Variants in ADAMTSL1 observed in about 807,000 individuals in gnomAD.
The protein encoded by ADAMTSL1 is ADAMTS-like protein 1.
ADAMTSL1 carries 126 observed loss-of-function variants against 201.8 expected under a neutral mutation model. The observed-to-expected ratio is 0.62, with a 90% CI of 0.54 to 0.72. ADAMTSL1 has a LOEUF of 0.72. Among genes scored for constraint, ADAMTSL1 ranks in the 30% least tolerant of loss-of-function variants. The pLI is 0.00. For missense variants in ADAMTSL1, 2,679 were observed against 2,277.8 expected (o/e 1.18, Z -3.59); for synonymous variants, 1,121 against 903.4 (o/e 1.24, Z -4.32).
In ADAMTSL1 at chr9:18,508,440, C is replaced by A. The variant is rs151144129; in HGVS notation, c.191+3484C>A. On this transcript the variant is annotated intron_variant, in intron 2 of 28. Coordinates refer to ENST00000380548, the MANE Select transcript of ADAMTSL1 (RefSeq NM_001040272.6). ...TTTCATTTTAGATGATTTATAGTCT[C>A]CTCCATATATAGTTTGAATGCATCT... 6.5e-3 allele frequency among the ~76,000 whole-genome samples: 989 copies of A among 152,264 alleles called. 5 individuals are homozygous for A. Among genetic ancestry groups the A allele is most frequent in the African/African-American group, 0.018 (768 of 41,544 alleles).
chr9:18,834,395 T>C (rs1825185447), intron 23 of ADAMTSL1, among the ~76,000 whole-genome samples: 1 of 152,176 alleles, frequency 6.6e-6, no homozygotes, highest in Non-Finnish European at 1.5e-5. Context: ...TTTGTGGAGA[T>C]CTTTCACCTT....
intron 21 of ADAMTSL1, among the ~76,000 whole-genome samples, chr9:18,822,793 T>C (rs1248600281): frequency 2.0e-5 from 3 of 152,218 alleles, no homozygotes; most frequent in South Asian, 4.1e-4. Context: ...TTCAATGTTA[T>C]TTCTCCGTTT....
intron 26 of ADAMTSL1, among the ~76,000 whole-genome samples, chr9:18,898,327 G>T (rs1328164194): frequency 6.6e-6 from 1 of 152,214 alleles, no homozygotes; most frequent in African/African-American, 2.4e-5. Flanking sequence ...GGAGCACAAT[G>T]ACCTGATGGA....
At chr9:18,191,340 A>G (rs920207022) in intron 2 of ADAMTSL1, among the ~76,000 whole-genome samples, 4 of 152,004 alleles carry the variant, frequency 2.6e-5, no homozygotes, top group African/African-American at 9.7e-5. Context: ...GCCACCCTCA[A>G]CCCTTGAGAC....
At chr9:18,645,350 C>A (rs1827737799) in intron 7 of ADAMTSL1, among the ~76,000 whole-genome samples, 1 of 152,158 alleles carries the variant, frequency 6.6e-6, no homozygotes, top group African/African-American at 2.4e-5. Flanking sequence ...CCTGTTCACT[C>A]TGATGGTAGT....
chr9:18,186,498 T>C (rs1353782841), intron 2 of ADAMTSL1, among the ~76,000 whole-genome samples: 1 of 152,130 alleles, frequency 6.6e-6, no homozygotes, highest in Admixed American at 6.6e-5. Context: ...GTCACCTGCC[T>C]GAGACTTCAT....
intron 17 of ADAMTSL1, among the ~76,000 whole-genome samples, chr9:18,774,610 T>C (rs1820874393): frequency 6.6e-6 from 1 of 152,172 alleles, no homozygotes; most frequent in Non-Finnish European, 1.5e-5. Flanking sequence ...CCAAATTCTG[T>C]AATTACAATT....
intron 13 of ADAMTSL1, among the ~76,000 whole-genome samples, chr9:18,689,595 A>T (rs1158899863): frequency 6.6e-6 from 1 of 152,218 alleles, no homozygotes; most frequent in Non-Finnish European, 1.5e-5. Flanking sequence ...TCTCCAAAAC[A>T]AGGCATCCCA....
intron 2 of ADAMTSL1, among the ~76,000 whole-genome samples, chr9:18,301,010 A>G (rs1452596418): frequency 6.6e-6 from 1 of 152,214 alleles, no homozygotes; most frequent in East Asian, 1.9e-4. Flanking sequence ...GGGAGTGGAA[A>G]GTTAAGAAAA....
At chr9:18,193,331 T>G (rs1482245183) in intron 2 of ADAMTSL1, among the ~76,000 whole-genome samples, 1 of 152,086 alleles carries the variant, frequency 6.6e-6, no homozygotes, top group African/African-American at 2.4e-5. Context: ...GAAATTATGT[T>G]TATGGCAGCC....
At chr9:18,520,195 C>G (rs1053528465) in intron 2 of ADAMTSL1, among the ~76,000 whole-genome samples, 5 of 152,164 alleles carry the variant, frequency 3.3e-5, no homozygotes, top group African/African-American at 1.2e-4. Context: ...CTAACTGTTG[C>G]TCAAAAATCT....
At chr9:18,653,411 C>A (rs947365193) in intron 7 of ADAMTSL1, among the ~76,000 whole-genome samples, 3 of 152,098 alleles carry the variant, frequency 2.0e-5, no homozygotes, top group African/African-American at 7.2e-5. Flanking sequence ...AACATTATAC[C>A]TGTTGTTTCC....
At chr9:18,824,143 T>C (rs1824388522) in intron 21 of ADAMTSL1, among the ~76,000 whole-genome samples, 1 of 151,822 alleles carries the variant, frequency 6.6e-6, no homozygotes, top group South Asian at 2.1e-4. Flanking sequence ...GTGCATTTCT[T>C]CAATTTACTT....
chr9:18,368,443 A>G (rs138731344), intron 2 of ADAMTSL1, among the ~76,000 whole-genome samples: 252 of 152,324 alleles, frequency 1.7e-3, no homozygotes, highest in East Asian at 2.3e-3. Flanking sequence ...TACTTGTTGC[A>G]TAAGTACAGC....
chr9:18,053,887 GTTTTGTT>G (rs1441541690), intron 1 of ADAMTSL1, among the ~76,000 whole-genome samples: 5 of 152,178 alleles, frequency 3.3e-5, no homozygotes, highest in African/African-American at 1.2e-4. Context: ...TAAAGGTGTT[GTTTTGTT>G]TTTTCTTTTA....
intron 2 of ADAMTSL1, among the ~76,000 whole-genome samples, chr9:18,466,160 A>C (rs1315748395): frequency 2.0e-5 from 3 of 152,202 alleles, no homozygotes; most frequent in African/African-American, 7.2e-5. Context: ...CATAACTGCC[A>C]GTTTCTGTGC....
At chr9:18,342,886 A>G (rs1835527621) in intron 2 of ADAMTSL1, among the ~76,000 whole-genome samples, 2 of 152,176 alleles carry the variant, frequency 1.3e-5, no homozygotes. Flanking sequence ...CTCTCTGCCA[A>G]CAAACCCTAG....
chr9:18,113,988 C>G (rs1398513340), intron 1 of ADAMTSL1, among the ~76,000 whole-genome samples: 1 of 151,912 alleles, frequency 6.6e-6, no homozygotes, highest in Non-Finnish European at 1.5e-5. Context: ...AAATAAAACA[C>G]AAATGTCATA....
chr9:18,263,746 C>T (rs563525220), intron 2 of ADAMTSL1, among the ~76,000 whole-genome samples: 73 of 152,122 alleles, frequency 4.8e-4, no homozygotes, highest in African/African-American at 1.7e-3. Context: ...GATGAGTGTC[C>T]TTATAGAAAG....
Sources: gnomAD v4.1 joint callset for allele counts (sites outside exome capture counted in the v4.1 genomes callset) on GRCh38, gnomAD v4.1.1 for gene constraint, MANE v1.5 for transcripts, NCBI Gene and HGNC (gene_info 2026-07-23, HGNC 2026-07-21) for gene names.